Variants in INPP5B observed in about 807,000 individuals in gnomAD.
INPP5B encodes type II inositol 1,4,5-trisphosphate 5-phosphatase.
A neutral mutation model predicts 118.5 loss-of-function variants in INPP5B; 90 were observed. That is an observed-to-expected ratio of 0.76 (90% confidence interval 0.64 to 0.90). INPP5B has a LOEUF of 0.90. Among genes scored for constraint, INPP5B ranks in the 40% least tolerant of loss-of-function variants. The pLI, the probability that INPP5B is intolerant of heterozygous loss-of-function variation, is 0.00. For missense variants in INPP5B, 984 were observed against 1,125.6 expected (o/e 0.87, Z 1.80); for synonymous variants, 385 against 418.9 (o/e 0.92, Z 0.99).
At chr1:37,896,566 G>T (rs1644086292) in intron 7 of INPP5B, among the ~76,000 whole-genome samples, 1 of 145,290 alleles carries the variant, frequency 6.9e-6, no homozygotes, top group South Asian at 2.2e-4. Flanking sequence ...GAGCCCCTCT[G>T]CCCGGCCAGC....
In INPP5B at chr1:37,889,703, T is replaced by C. The variant is rs1228978243; in HGVS notation, c.651A>G (p.Glu217=). 6.2e-7 allele frequency: 1 copy of C among 1,612,252 alleles called. No individual in the cohort carries two copies. The highest frequency in any genetic ancestry group is 1.1e-5 in the South Asian group (1 of 90,514). ...TGGAGGAGCGAACCATGTCAGTAAT[T>C]TCGGACTTGGATTTATTCTGTCTGG... ...LQPRQNKSKS[E]ITDMVRSSTI... The change falls in exon 9 of 24, where the codon GAA becomes GAG. Residue 217 remains glutamate, a synonymous_variant. Coordinates refer to ENST00000373024, the MANE Select transcript of INPP5B (RefSeq NM_005540.3).
At chr1:37,900,003 T>C in intron 7 of INPP5B, among the ~76,000 whole-genome samples, 1 of 151,988 alleles carries the variant, frequency 6.6e-6, no homozygotes, top group South Asian at 2.1e-4. Flanking sequence ...CGTGAGCCAC[T>C]GTGCCCGGCT....
At chr1:37,931,771 C>G in intron 7 of INPP5B, 142 bp downstream of exon 7, 2 of 1,604,760 alleles carry the variant, frequency 1.2e-6, no homozygotes, top group Non-Finnish European at 1.7e-6. Flanking sequence ...GCTCCGCCCC[C>G]AGACGAACCC....
Position 37,862,247 on chromosome 1 carries a change from A to G in INPP5B, c.*68T>C, listed in dbSNP as rs1469843099. The G allele has an allele frequency of 2.0e-6, 2 of 1,005,396 alleles. No homozygotes were observed. The highest frequency in any genetic ancestry group is 1.6e-5 in the African/African-American group (1 of 62,416). 62.3% of individuals were successfully genotyped at this position (1,005,396 alleles called of 1,614,324 possible). On this transcript the variant is annotated 3_prime_UTR_variant, in exon 24 of 24. Transcript: ENST00000373024. ...TGGCCTCACATAATTATCTTAAGGC[A>G]TCTCTTGAGCTGAAACAGGTGGGGC...
At chr1:37,940,593 T>C in intron 6 of INPP5B, 95 bp downstream of exon 6, 1 of 708,442 alleles carries the variant, frequency 1.4e-6, no homozygotes, top group Non-Finnish European at 2.5e-6. Flanking sequence ...ACAGAAACCA[T>C]GGGGTAAGAG....
At chr1:37,906,376 T>G (rs1365256013) in intron 7 of INPP5B, among the ~76,000 whole-genome samples, 1 of 152,202 alleles carries the variant, frequency 6.6e-6, no homozygotes, top group South Asian at 2.1e-4. Context: ...AAAAGTATTA[T>G]CTAAGATTTC....
chr1:37,865,902 T>C lies in INPP5B; in HGVS notation c.2387-14A>G, dbSNP rs1367200905. 2 of 1,611,270 alleles carry C rather than the reference T, an allele frequency of 1.2e-6. No individual in the cohort carries two copies. Among genetic ancestry groups the C allele is most frequent in the African/African-American group, 1.3e-5 (1 of 74,852 alleles). ...GATTGCTGGCAGCTTTTGGCCCCAT[T>C]GTTAAGGAACCGATAATGCTGCTGT... On this transcript the variant is annotated splice_polypyrimidine_tract_variant and intron_variant, in intron 21 of 23. Transcript: ENST00000373024.
intron 6 of INPP5B, among the ~76,000 whole-genome samples, chr1:37,938,302 T>TAAATAAAA (rs1645781261): frequency 2.0e-5 from 3 of 151,520 alleles, no homozygotes; most frequent in South Asian, 2.1e-4. Flanking sequence ...AATAAATAAA[T>TAAATAAAA]AAAATTAACA....
chr1:37,907,378 A>G lies in INPP5B; in HGVS notation c.533-15924T>C, dbSNP rs908628166. Among the ~76,000 whole-genome samples the G allele has an allele frequency of 1.8e-4, 28 of 152,208 alleles. No individual in the cohort carries two copies. Among genetic ancestry groups the G allele is most frequent in the Admixed American group, 9.8e-4 (15 of 15,276 alleles). ...CAAGAGACCCTCATAGTTAGGCAGG[A>G]ATATAATCGACCTATTCAGCATGAA... On this transcript the variant is annotated intron_variant, in intron 7 of 23. Coordinates refer to ENST00000373024, the MANE Select transcript of INPP5B (RefSeq NM_005540.3). This position sits in a 1 kb window ranked among gnomAD's most constrained non-coding sequence, Gnocchi z 4.3.
intron 7 of INPP5B, among the ~76,000 whole-genome samples, chr1:37,902,537 T>C (rs922133134): frequency 3.9e-5 from 6 of 152,086 alleles, no homozygotes; most frequent in African/African-American, 1.2e-4. Flanking sequence ...CAAGACAACA[T>C]GGTAAAACCC....
In INPP5B at chr1:37,891,327, C is replaced by T; in HGVS notation, c.629+31G>A. ...TACTGTGAGGAGAACCTCAGTCCTA[C>T]AAGGGACAAGTGAAGGGAGAGTTGC... On this transcript the variant is annotated intron_variant, in intron 8 of 23. Transcript: ENST00000373024. 2.6e-6 allele frequency: 4 copies of T among 1,529,438 alleles called. No homozygotes were observed. The East Asian group carries it at 6.8e-5, about 26-fold the overall frequency. The allele number at this position is 1,529,438 out of a possible 1,614,324, so 94.7% of individuals were successfully genotyped here.
At chr1:37,880,732 C>G (rs1385227148) in intron 14 of INPP5B, among the ~76,000 whole-genome samples, 2 of 149,936 alleles carry the variant, frequency 1.3e-5, no homozygotes, top group African/African-American at 4.9e-5. Flanking sequence ...AGCGCCTAGC[C>G]TAATGTTTTT....
At chr1:37,927,406 C>T (rs1645270938) in intron 7 of INPP5B, among the ~76,000 whole-genome samples, 1 of 152,170 alleles carries the variant, frequency 6.6e-6, no homozygotes, top group South Asian at 2.1e-4. Context: ...AAGAGAATCA[C>T]GTGAACAAGC....
At chr1:37,934,139 G>A (rs1645599214) in intron 6 of INPP5B, among the ~76,000 whole-genome samples, 1 of 151,714 alleles carries the variant, frequency 6.6e-6, no homozygotes, top group Non-Finnish European at 1.5e-5. Context: ...TCACCATATT[G>A]GTCAGTCTGG....
rs529596585 is a variant in INPP5B at position 37,892,818 on chromosome 1, G to T, written c.533-1364C>A. Among the ~76,000 whole-genome samples the T allele has an allele frequency of 3.3e-5, 5 of 152,246 alleles. No homozygotes were observed. In the South Asian group the frequency reaches 1.0e-3, roughly 32 times the overall value. ...GAGTTGGGGCCTTTAGGTGTGAGGTGTTTAGGTCACAAGGGTGGAGCCCTC... is the reference window on the plus strand; with the variant it reads ...GAGTTGGGGCCTTTAGGTGTGAGGTTTTTAGGTCACAAGGGTGGAGCCCTC... On this transcript the variant is annotated intron_variant, in intron 7 of 23. Coordinates refer to ENST00000373024, the MANE Select transcript of INPP5B (RefSeq NM_005540.3).
At position 37,931,924 on chromosome 1, in the gene INPP5B, G is replaced by T; in HGVS notation, c.521C>A (p.Thr174Lys). The change falls in exon 7 of 24, where the codon ACA becomes AAA. Residue 174 changes from threonine (T) to lysine (K), a missense_variant. By Grantham distance (78) the Thr-to-Lys change is moderately conservative. Coordinates refer to ENST00000373024, the MANE Select transcript of INPP5B (RefSeq NM_005540.3). ...GGACGGATACCTGCCTCCGCCAATT[G>T]TCGCGTACCCTGGCCAGGTAACTAG... The part of the protein sequence containing the change: ...SALVTWPGYA[T>K]IGGGGSNFDG... 6.2e-7 allele frequency: 1 copy of T among 1,614,048 alleles called. No individual in the cohort carries two copies. The highest frequency in any genetic ancestry group is 8.5e-7 in the Non-Finnish European group (1 of 1,180,030).
chr1:37,878,298 A>G lies in INPP5B; in HGVS notation c.1567T>C (p.Cys523Arg). The change falls in exon 16 of 24, where the codon TGT becomes CGT. Residue 523 changes from cysteine to arginine, a missense_variant. Physicochemically the swap from Cys to Arg is radical, Grantham distance 180. Transcript: ENST00000373024. Reference sequence around the variant, plus strand: ...TTCCCTTTCCAGAGAATCCGATCACACCAGGCAGGAGCACGGCACTTCTCA... The same window carrying G: ...TTCCCTTTCCAGAGAATCCGATCACGCCAGGCAGGAGCACGGCACTTCTCA... The part of the protein sequence containing the change: ...TSEKCRAPAW[C>R]DRILWKGKNI... 1 of 1,614,098 alleles carries G rather than the reference A, an allele frequency of 6.2e-7. No individual in the cohort carries two copies. The highest frequency in any genetic ancestry group is 8.5e-7 in the Non-Finnish European group (1 of 1,179,970).
intron 7 of INPP5B, among the ~76,000 whole-genome samples, chr1:37,904,966 A>G (rs1270303338): frequency 6.6e-6 from 1 of 152,218 alleles, no homozygotes; most frequent in East Asian, 1.9e-4. Context: ...ATTTGTCTAT[A>G]AGGTTTTATT....
At chr1:37,943,965 G>T in intron 3 of INPP5B, 72 bp from the exon 4 acceptor site, 2 of 1,120,044 alleles carry the variant, frequency 1.8e-6, no homozygotes, top group East Asian at 4.7e-5. Flanking sequence ...GAGGTCTCGG[G>T]GTGCTCACAC....
Sources: gnomAD v4.1 joint callset for allele counts (sites outside exome capture counted in the v4.1 genomes callset) on GRCh38, gnomAD v4.1.1 for gene constraint, Gnocchi (gnomAD v3.1) non-coding constraint, MANE v1.5 for transcripts, NCBI Gene and HGNC (gene_info 2026-07-23, HGNC 2026-07-21) for gene names.